The following POFUT2 variants were observed in gnomAD, a reference collection of about 807,000 sequenced individuals.
POFUT2 encodes protein O-fucosyltransferase 2, also known as GDP-fucose protein O-fucosyltransferase 2.
POFUT2 carries 30 observed loss-of-function variants against 55.0 expected under a neutral mutation model. The observed-to-expected ratio is 0.55, with a 90% CI of 0.41 to 0.74. POFUT2 has a LOEUF of 0.74. Among genes scored for constraint, POFUT2 ranks in the 30% least tolerant of loss-of-function variants. The pLI is 0.00. For missense variants in POFUT2, 524 were observed against 562.6 expected (o/e 0.93, Z 0.69); for synonymous variants, 267 against 231.1 (o/e 1.16, Z -1.41).
intron 6 of POFUT2, among the ~76,000 whole-genome samples, chr21:45,275,737 G>C (rs543529809): frequency 6.6e-6 from 1 of 152,152 alleles, no homozygotes; most frequent in African/African-American, 2.4e-5. Flanking sequence ...TTGGGGACTC[G>C]AGGGGAAGAG....
chr21:45,266,028 C>T lies in POFUT2; in HGVS notation c.1137-393G>A, dbSNP rs970235656. The T allele has an allele frequency of 9.0e-6, 11 of 1,217,938 alleles. No homozygotes were observed. The African/African-American group carries it at 1.6e-4, about 17-fold the overall frequency. 75.4% of individuals were successfully genotyped at this position (1,217,938 alleles called of 1,614,324 possible). A position where few individuals can be genotyped will look rare whatever the true frequency, so the allele number is the denominator to read the frequency against. ...ATGAGAGATTCCTACTAACCACACA[C>T]TGTCTAGCCAGGGCATGGCGGGTCC... On this transcript the variant is annotated intron_variant, in intron 8 of 8. Coordinates refer to ENST00000349485, the MANE Select transcript of POFUT2 (RefSeq NM_133635.6).
rs1045886172 is a variant in POFUT2, at chr21:45,284,380, G to A, written c.383-853C>T. Among the ~76,000 whole-genome samples the A allele has an allele frequency of 1.5e-4, 23 of 152,326 alleles. 1 individual carries two copies. In the East Asian group the frequency reaches 2.3e-3, roughly 15 times the overall value. On this transcript the variant is annotated intron_variant, in intron 2 of 8. Coordinates refer to ENST00000349485, the MANE Select transcript of POFUT2 (RefSeq NM_133635.6). This position sits in a 1 kb window ranked among gnomAD's most constrained non-coding sequence, Gnocchi z 5.8. ...TTCTTTTAGGCTAGTGGGAGGTGGT[G>A]AAGATCCTGCACGCTGGGCGCTATG... is the stretch of plus-strand genomic sequence containing the variant.
chr21:45,280,869 T>C (rs2146645220), intron 4 of POFUT2, among the ~76,000 whole-genome samples: 1 of 152,356 alleles, frequency 6.6e-6, no homozygotes. Flanking sequence ...GTCCTTAGTT[T>C]ATCAAATGTG....
At position 45,282,224 on chromosome 21, in the gene POFUT2, G is replaced by A. The variant is rs2030758852; in HGVS notation, c.638+125C>T. 3.0e-6 allele frequency: 2 copies of A among 675,672 alleles called. No individual in the cohort carries two copies. Among genetic ancestry groups the A allele is most frequent in the Admixed American group, 2.6e-5 (1 of 38,234 alleles). The allele number at this position is 675,672 out of a possible 1,614,324, so 41.9% of individuals were successfully genotyped here. The stretch of plus-strand genomic sequence containing the variant: ...AACCACCACCCCCCAGGGCCCCCAG[G>A]GTCCGCTGTCTGTGAGGTGGGTGGG... On this transcript the variant is annotated intron_variant, in intron 4 of 8. Coordinates refer to ENST00000349485, the MANE Select transcript of POFUT2 (RefSeq NM_133635.6). This position sits in a 1 kb window ranked among gnomAD's most constrained non-coding sequence, Gnocchi z 4.6.
chr21:45,266,158 G>A, intron 8 of POFUT2: 1 of 1,366,862 alleles, frequency 7.3e-7, no homozygotes. Context: ...CCAGACCTCA[G>A]GTCAGCGGCC....
chr21:45,287,676 C>CCAACCA, intron 1 of POFUT2, 65 bp downstream of exon 1: 3 of 1,181,528 alleles, frequency 2.5e-6, no homozygotes, highest in Non-Finnish European at 3.3e-6. Context: ...GCCCCGCCCC[C>CCAACCA]ATCCCATCCT....
At position 45,281,912 on chromosome 21, in the gene POFUT2, G is replaced by T. The variant is rs138183915; in HGVS notation, c.638+437C>A. On this transcript the variant is annotated intron_variant, in intron 4 of 8. Transcript: ENST00000349485. The surrounding 1 kb of genome is among the most constrained non-coding windows in gnomAD (Gnocchi z 5.0). Reference sequence around the variant, plus strand: ...AGGCCGGCGACCACTTGAGGCAGACGCATGGCCAAAGGTGGCTGCATGATC... The same window carrying T: ...AGGCCGGCGACCACTTGAGGCAGACTCATGGCCAAAGGTGGCTGCATGATC... Among the ~76,000 whole-genome samples the T allele has an allele frequency of 1.3e-5, 2 of 152,232 alleles. No individual in the cohort carries two copies. The highest frequency in any genetic ancestry group is 4.8e-5 in the African/African-American group (2 of 41,538).
In POFUT2 at chr21:45,267,204, A is replaced by G. The variant is rs1011458896; in HGVS notation, c.1136+386T>C. The G allele has an allele frequency of 7.9e-5, 110 of 1,388,038 alleles. No homozygotes were observed. The highest frequency in any genetic ancestry group is 2.7e-4 in the Middle Eastern group (1 of 3,678). The allele number at this position is 1,388,038 out of a possible 1,614,324, so 86.0% of individuals were successfully genotyped here. ...CACGCTCCCGGCCTCGGGGACGCTCACGGATGCTCAACAACACAGCAACAA... is the reference window on the plus strand; with the variant it reads ...CACGCTCCCGGCCTCGGGGACGCTCGCGGATGCTCAACAACACAGCAACAA... On this transcript the variant is annotated intron_variant, in intron 8 of 8. Coordinates refer to ENST00000349485, the MANE Select transcript of POFUT2 (RefSeq NM_133635.6). The surrounding 1 kb of genome is among the most constrained non-coding windows in gnomAD (Gnocchi z 4.4).
In POFUT2 at chr21:45,277,254, C is replaced by T; in HGVS notation, c.706-112G>A. On this transcript the variant is annotated intron_variant, in intron 5 of 8. Coordinates refer to ENST00000349485, the MANE Select transcript of POFUT2 (RefSeq NM_133635.6). This position sits in a 1 kb window ranked among gnomAD's most constrained non-coding sequence, Gnocchi z 6.9. ...CCACCCCCGCAGCTGGAACAAGCCC[C>T]TCAGACACGTCATCCACGGTCGCCT... 6 of 1,387,568 alleles carry T rather than the reference C, an allele frequency of 4.3e-6. No individual in the cohort carries two copies. The highest frequency in any genetic ancestry group is 4.9e-6 in the Non-Finnish European group (5 of 1,023,450). The allele number at this position is 1,387,568 out of a possible 1,614,324, so 86.0% of individuals were successfully genotyped here.
chr21:45,266,546 A>G (rs2093156594), intron 8 of POFUT2: 1 of 1,074,902 alleles, frequency 9.3e-7, no homozygotes, highest in African/African-American at 1.7e-5. Context: ...CGCAGTCAAA[A>G]TCCCAAGGCC....
Position 45,285,414 on chromosome 21 carries a change from C to G in POFUT2, c.382+264G>C. On this transcript the variant is annotated intron_variant, in intron 2 of 8. Transcript: ENST00000349485. The surrounding 1 kb of genome is among the most constrained non-coding windows in gnomAD (Gnocchi z 4.9). ...TGGCCGCTTTCTTAGGGTGTAAGGG[C>G]GGCTCTAACTGAGGGGGCACAAAGC... is the stretch of plus-strand genomic sequence containing the variant. The G allele has an allele frequency of 2.1e-6, 1 of 479,342 alleles. No homozygotes were observed. The highest frequency in any genetic ancestry group is 2.8e-5 in the Admixed American group (1 of 36,106). 29.7% of individuals were successfully genotyped at this position (479,342 alleles called of 1,614,324 possible). A position where few individuals can be genotyped will look rare whatever the true frequency, so the allele number is the denominator to read the frequency against.
chr21:45,267,758 A>T lies in POFUT2; in HGVS notation c.1013-45T>A. 5 of 1,552,832 alleles carry T rather than the reference A, an allele frequency of 3.2e-6. No homozygotes were observed. Among genetic ancestry groups the T allele is most frequent in the Non-Finnish European group, 4.4e-6 (5 of 1,127,572 alleles). ...ACCCTTTGAACCGGGATCCTCCAGTAAGGACAGATACGTGACTCTTTAGCA... is the reference window on the plus strand; with the variant it reads ...ACCCTTTGAACCGGGATCCTCCAGTTAGGACAGATACGTGACTCTTTAGCA... On this transcript the variant is annotated intron_variant, in intron 7 of 8. Coordinates refer to ENST00000349485, the MANE Select transcript of POFUT2 (RefSeq NM_133635.6). The surrounding 1 kb of genome is among the most constrained non-coding windows in gnomAD (Gnocchi z 4.4).
intron 3 of POFUT2, 159 bp downstream of exon 3, chr21:45,283,224 C>T (rs1166513904): frequency 2.3e-6 from 1 of 430,812 alleles, no homozygotes; most frequent in Non-Finnish European, 4.2e-6. Context: ...GGTGAAGACA[C>T]CGTGGCGGGG....
At chr21:45,283,043 C>A in intron 3 of POFUT2, 1 of 401,902 alleles carries the variant, frequency 2.5e-6, no homozygotes, top group South Asian at 1.9e-5. Flanking sequence ...CAAAGGGGAA[C>A]CGCCTGTCAA....
intron 4 of POFUT2, among the ~76,000 whole-genome samples, chr21:45,280,315 A>G (rs2030458852): frequency 6.6e-6 from 1 of 151,922 alleles, no homozygotes; most frequent in Admixed American, 6.6e-5. Context: ...TGGGCATTAT[A>G]TCTTGATTTC....
In POFUT2 at chr21:45,278,148, G is replaced by T; in HGVS notation, c.660C>A (p.Ala220=). The T allele has an allele frequency of 6.2e-7, 1 of 1,613,466 alleles. No individual in the cohort carries two copies. Among genetic ancestry groups the T allele is most frequent in the South Asian group, 1.1e-5 (1 of 91,072 alleles). Residue 220 remains alanine, a synonymous_variant, in exon 5 of 9, where the codon GCC becomes GCA. Transcript: ENST00000349485. ...CATAGTGGTCGTGAAGTAGGTTCTCGGCTCTGTCTAACATCACGGACCTGT... is the reference window on the plus strand; with the variant it reads ...CATAGTGGTCGTGAAGTAGGTTCTCTGCTCTGTCTAACATCACGGACCTGT... ...TSARSVMLDR[A]ENLLHDHYGG... is the part of the protein sequence containing the mutation.
At position 45,267,208 on chromosome 21, in the gene POFUT2, A is replaced by G. The variant is rs892204031; in HGVS notation, c.1136+382T>C. The G allele has an allele frequency of 9.3e-6, 13 of 1,397,810 alleles. No homozygotes were observed. In the African/African-American group the frequency reaches 1.9e-4, roughly 20 times the overall value. 86.6% of individuals were successfully genotyped at this position (1,397,810 alleles called of 1,614,324 possible). A position where few individuals can be genotyped will look rare whatever the true frequency, so the allele number is the denominator to read the frequency against. ...CTCCCGGCCTCGGGGACGCTCACGG[A>G]TGCTCAACAACACAGCAACAAGGAC... On this transcript the variant is annotated intron_variant, in intron 8 of 8. Coordinates refer to ENST00000349485, the MANE Select transcript of POFUT2 (RefSeq NM_133635.6). The surrounding 1 kb of genome is among the most constrained non-coding windows in gnomAD (Gnocchi z 4.4).
rs146674072 is a variant in POFUT2, at chr21:45,265,592, G to T, written c.1180C>A (p.His394Asn). 1.9e-6 allele frequency: 3 copies of T among 1,613,884 alleles called. No individual in the cohort carries two copies. Among genetic ancestry groups the T allele is most frequent in the Non-Finnish European group, 2.5e-6 (3 of 1,179,938 alleles). The part of the protein sequence containing the change: ...TSVSTFSFRI[H>N]EEREILGLDP... ...AACCCCAGGATTTCTCTTTCCTCAT[G>T]AATCCGAAAAGAAAATGTTGAGACT... Residue 394 changes from histidine to asparagine, a missense_variant, in exon 9 of 9, where the codon CAT (histidine) becomes AAT (asparagine). Physicochemically the swap from His to Asn is moderately conservative, Grantham distance 68. Around this residue, in one of 2 missense-constraint regions of POFUT2, gnomAD observed 250 missense variants for 318.2 expected, o/e 0.79. Transcript: ENST00000349485. This position sits in a 1 kb window ranked among gnomAD's most constrained non-coding sequence, Gnocchi z 4.6.
Position 45,266,208 on chromosome 21 carries a change from C to T in POFUT2, c.1137-573G>A, listed in dbSNP as rs760409220. The T allele has an allele frequency of 7.3e-6, 10 of 1,367,506 alleles. No homozygotes were observed. The African/African-American group carries it at 1.3e-4, about 18-fold the overall frequency. 84.7% of individuals were successfully genotyped at this position (1,367,506 alleles called of 1,614,324 possible). A position where few individuals can be genotyped will look rare whatever the true frequency, so the allele number is the denominator to read the frequency against. On this transcript the variant is annotated intron_variant, in intron 8 of 8. Coordinates refer to ENST00000349485, the MANE Select transcript of POFUT2 (RefSeq NM_133635.6). ...GCTCCTGCGCAGCTGGTCTCTGGCT[C>T]TCCAGCGGCACTTCATGAACTTCGT...
Sources: gnomAD v4.1 joint callset for allele counts (sites outside exome capture counted in the v4.1 genomes callset) on GRCh38, gnomAD v4.1.1 for gene constraint, gnomAD v4.1.1 regional missense constraint, Gnocchi (gnomAD v3.1) non-coding constraint, MANE v1.5 for transcripts, NCBI Gene and HGNC (gene_info 2026-07-23, HGNC 2026-07-21) for gene names.